Variants in C4BPA observed in about 807,000 individuals in gnomAD.
The protein encoded by C4BPA is complement component 4 binding protein alpha, also known as C4b-binding protein alpha chain.
Under a neutral mutation model 63.7 loss-of-function variants are expected in C4BPA, and 31 were observed. That is an observed-to-expected ratio of 0.49 (90% CI 0.37 to 0.66). The LOEUF is 0.66. C4BPA is among the 30% of genes least tolerant of loss of function. The pLI is 0.00. For missense variants in C4BPA, 572 were observed against 723.3 expected (o/e 0.79, Z 2.40); for synonymous variants, 259 against 254.7 (o/e 1.02, Z -0.16).
chr1:207,132,720 C>T (rs2102352387), intron 8 of C4BPA, among the ~76,000 whole-genome samples: 1 of 152,246 alleles, frequency 6.6e-6, no homozygotes, highest in African/African-American at 2.4e-5. Flanking sequence ...TGTTTAAAAA[C>T]CTCCTTTATA....
rs1473447391 is a variant in C4BPA at position 207,134,266 on chromosome 1, G to A, written c.1085-138G>A. The A allele has an allele frequency of 2.1e-5, 13 of 626,992 alleles. No homozygotes were observed. In the South Asian group the frequency reaches 2.1e-4, roughly 10 times the overall value. 38.8% of individuals were successfully genotyped at this position (626,992 alleles called of 1,614,324 possible). A position where few individuals can be genotyped will look rare whatever the true frequency, so the allele number is the denominator to read the frequency against. On this transcript the variant is annotated intron_variant, in intron 8 of 11. Coordinates refer to ENST00000367070, the MANE Select transcript of C4BPA (RefSeq NM_000715.4). ...TAAGGGGGGAAAGAGCAGACTTGGA[G>A]TGTCTTGGGTCTCCCTTTCTGTTTC...
intron 9 of C4BPA, among the ~76,000 whole-genome samples, chr1:207,135,824 A>G (rs1281232659): frequency 2.0e-5 from 3 of 152,182 alleles, no homozygotes; most frequent in Non-Finnish European, 4.4e-5. Flanking sequence ...CAGGTTCTGA[A>G]TGATGCAGTA....
intron 9 of C4BPA, among the ~76,000 whole-genome samples, chr1:207,136,952 C>T (rs889985851): frequency 2.0e-5 from 3 of 152,176 alleles, no homozygotes; most frequent in Admixed American, 6.5e-5. Flanking sequence ...AGTTTTACAG[C>T]CCCTCCCTAT....
intron 1 of C4BPA, among the ~76,000 whole-genome samples, chr1:207,112,114 C>A (rs770935189): frequency 6.6e-6 from 1 of 151,660 alleles, no homozygotes; most frequent in Non-Finnish European, 1.5e-5. Flanking sequence ...AAAAAAAAGT[C>A]CTTACTAATT....
intron 4 of C4BPA, among the ~76,000 whole-genome samples, chr1:207,118,022 G>C (rs1045063939): frequency 1.3e-5 from 2 of 152,004 alleles, no homozygotes; most frequent in African/African-American, 4.8e-5. Context: ...TGCATTTCTT[G>C]AAGAGTTTAA....
Position 207,140,995 on chromosome 1 carries a change from G to A in C4BPA, c.1274-111G>A, listed in dbSNP as rs1018929429. The stretch of plus-strand genomic sequence containing the variant: ...TTGGCTACGTGCTCTTACAGGCAGC[G>A]AGGATAGAAGGACAGAATGAAGCCT... On this transcript the variant is annotated intron_variant, in intron 9 of 11. Transcript: ENST00000367070. 15 of 764,280 alleles carry A rather than the reference G, an allele frequency of 2.0e-5. 1 individual carries two copies. In the Admixed American group the frequency reaches 2.9e-4, roughly 15 times the overall value. The allele number at this position is 764,280 out of a possible 1,614,324, so 47.3% of individuals were successfully genotyped here.
chr1:207,140,977 C>T (rs182347662), intron 9 of C4BPA, 129 bp from the exon 10 acceptor site: 37 of 641,962 alleles, frequency 5.8e-5, no homozygotes, highest in Middle Eastern at 4.0e-4. Flanking sequence ...GGTTTGGCTA[C>T]GTGCTCTTAC....
rs1685471344 is a variant in C4BPA at position 207,143,800 on chromosome 1, AAT to A, written c.1445-15_1445-14del. On this transcript the variant is annotated splice_polypyrimidine_tract_variant and intron_variant, in intron 10 of 11. Coordinates refer to ENST00000367070, the MANE Select transcript of C4BPA (RefSeq NM_000715.4). ...TTCATAGATTTACAGATTTCTTAAA[AAT>A]ATGTTTCCATTACAGCTCTGTGTCG... 5 of 1,585,102 alleles carry A rather than the reference AAT, an allele frequency of 3.2e-6. No homozygotes were observed. The South Asian group carries it at 5.5e-5, about 18-fold the overall frequency.
intron 4 of C4BPA, among the ~76,000 whole-genome samples, chr1:207,118,189 C>T (rs1684846610): frequency 2.0e-5 from 3 of 150,598 alleles, no homozygotes; most frequent in Non-Finnish European, 4.4e-5. Flanking sequence ...ATCTATCTAT[C>T]TATCATCTAT....
intron 4 of C4BPA, among the ~76,000 whole-genome samples, chr1:207,116,918 T>A (rs6682145): frequency 0.013 from 2,008 of 152,312 alleles, 45 homozygotes; most frequent in African/African-American, 0.045. Flanking sequence ...AAAATTCATA[T>A]ACTTATCTAG....
intron 11 of C4BPA, 143 bp from the exon 12 acceptor site, chr1:207,144,401 G>C: frequency 1.6e-6 from 1 of 642,616 alleles, no homozygotes; most frequent in Non-Finnish European, 2.6e-6. Context: ...TGGGACCCAA[G>C]TGATTTCTTG....
At chr1:207,141,698 A>G (rs1685419960) in intron 10 of C4BPA, among the ~76,000 whole-genome samples, 1 of 152,224 alleles carries the variant, frequency 6.6e-6, no homozygotes, top group African/African-American at 2.4e-5. Flanking sequence ...GGCATGCACC[A>G]CCTGCTATGA....
At chr1:207,125,967 C>T (rs1034543641) in intron 6 of C4BPA, among the ~76,000 whole-genome samples, 30 of 151,966 alleles carry the variant, frequency 2.0e-4, no homozygotes, top group African/African-American at 7.3e-4. Context: ...GGCTTGTTTT[C>T]TGCTTGTCGG....
intron 4 of C4BPA, among the ~76,000 whole-genome samples, chr1:207,120,251 G>A (rs1235556858): frequency 6.6e-6 from 1 of 152,090 alleles, no homozygotes; most frequent in African/African-American, 2.4e-5. Flanking sequence ...TAAAATACAG[G>A]ATGCCCAGTT....
At chr1:207,116,260 A>C (rs1311666647) in intron 4 of C4BPA, among the ~76,000 whole-genome samples, 1 of 152,092 alleles carries the variant, frequency 6.6e-6, no homozygotes, top group Non-Finnish European at 1.5e-5. Context: ...CTATAGTTTC[A>C]CTGTACATTT....
In C4BPA at chr1:207,129,851, T is replaced by G. The variant is rs114080729; in HGVS notation, c.890-1695T>G. ...AGGGCAAGTATATATTTAGAGAGTT[T>G]ATTATGTTAATCTTCTTATTCTTCA... On this transcript the variant is annotated intron_variant, in intron 7 of 11. Coordinates refer to ENST00000367070, the MANE Select transcript of C4BPA (RefSeq NM_000715.4). Among the ~76,000 whole-genome samples, 996 of 152,314 alleles carry G rather than the reference T, an allele frequency of 6.5e-3. 10 individuals carry two copies. The highest frequency in any genetic ancestry group is 0.023 in the African/African-American group (940 of 41,574).
chr1:207,129,051 T>C (rs2491396), intron 7 of C4BPA, among the ~76,000 whole-genome samples: 48,883 of 151,968 alleles, frequency 0.32, 8,520 homozygotes, highest in African/African-American at 0.45. Flanking sequence ...AAGAATTAAG[T>C]AAATGTATTA....
At chr1:207,132,185 T>A (rs1301187407) in intron 8 of C4BPA, among the ~76,000 whole-genome samples, 3 of 152,160 alleles carry the variant, frequency 2.0e-5, no homozygotes, top group Admixed American at 6.5e-5. Context: ...TCTTGAACCA[T>A]GAGATGGCAG....
rs1201386018 is a variant in C4BPA at position 207,113,151 on chromosome 1, G to T, written c.126G>T (p.Leu42=). ...TCCAAATGACCTTGATCGCTGCTCT[G>T]TTGCCTGCTGTTCTTGGTGAGTAGT... ...ILFQMTLIAA[L]LPAVLGNCGP... The change falls in exon 2 of 12, where the codon CTG becomes CTT. Residue 42 remains leucine, a synonymous_variant. Coordinates refer to ENST00000367070, the MANE Select transcript of C4BPA (RefSeq NM_000715.4). 1 of 1,610,164 alleles carries T rather than the reference G, an allele frequency of 6.2e-7. No individual in the cohort carries two copies. Among genetic ancestry groups the T allele is most frequent in the Non-Finnish European group, 8.5e-7 (1 of 1,178,612 alleles).
Sources: gnomAD v4.1 joint callset for allele counts (sites outside exome capture counted in the v4.1 genomes callset) on GRCh38, gnomAD v4.1.1 for gene constraint, MANE v1.5 for transcripts, NCBI Gene and HGNC (gene_info 2026-07-23, HGNC 2026-07-21) for gene names.